RERE: variants seen among roughly 807,000 people sequenced by gnomAD.
The protein encoded by RERE is arginine-glutamic acid dipeptide repeats protein.
In RERE, 40 loss-of-function variants were observed where a neutral mutation model predicts 146.1. That is an observed-to-expected ratio of 0.27 (90% CI 0.21 to 0.36). RERE has a LOEUF of 0.36. RERE is among the 10% of genes least tolerant of loss of function. The pLI is 1.00. For missense variants in RERE, 1,933 were observed against 2,138.7 expected, an observed-to-expected ratio of 0.90 and a Z score of 1.90; for synonymous variants, 1,003 against 866.0, an observed-to-expected ratio of 1.16 and a Z score of -2.78.
chr1:8,615,523 C>G (rs1646842945), intron 3 of RERE, among the ~76,000 whole-genome samples: 1 of 152,080 alleles, frequency 6.6e-6, no homozygotes, highest in African/African-American at 2.4e-5. Flanking sequence ...TTAGACAGCA[C>G]ATAACATTTT....
intron 3 of RERE, among the ~76,000 whole-genome samples, chr1:8,619,232 T>C (rs114387287): frequency 0.015 from 2,314 of 152,282 alleles, 61 homozygotes; most frequent in African/African-American, 0.053. Flanking sequence ...CTCATCTATG[T>C]GGAGCCGTAA....
chr1:8,803,285 T>C (rs1253793130), intron 1 of RERE, among the ~76,000 whole-genome samples: 2 of 151,998 alleles, frequency 1.3e-5, no homozygotes, highest in African/African-American at 4.8e-5. Flanking sequence ...CTGGCCAACA[T>C]GGTGGAACCC....
At chr1:8,371,231 G>T (rs181775980) in intron 12 of RERE, among the ~76,000 whole-genome samples, 1 of 152,092 alleles carries the variant, frequency 6.6e-6, no homozygotes, top group Non-Finnish European at 1.5e-5. Flanking sequence ...TTCTTTTGGC[G>T]GTGGGGGGGC....
rs757555792 is a variant in RERE, at chr1:8,422,782, T to A, written c.1229A>T (p.Gln410Leu). Residue 410 changes from glutamine to leucine, a missense_variant, in exon 12 of 23, where the codon CAG (glutamine) becomes CTG (leucine). Physicochemically the swap from Gln to Leu is moderately radical, Grantham distance 113. Coordinates refer to ENST00000400908, the MANE Select transcript of RERE (RefSeq NM_001042681.2). ...AATTCTGAAGAAGTTCTTCCCGTAC[T>A]GCCTGAGTCCCTTAACGAAGCGTTT... is the stretch of plus-strand genomic sequence containing the variant. ...EVKRFVKGLR[Q>L]YGKNFFRIRK... 3 of 1,614,024 alleles carry A rather than the reference T, an allele frequency of 1.9e-6. No individual in the cohort carries two copies. The South Asian group carries it at 3.3e-5, about 18-fold the overall frequency.
At chr1:8,552,568 T>C (rs1328908588) in intron 6 of RERE, among the ~76,000 whole-genome samples, 2 of 152,204 alleles carry the variant, frequency 1.3e-5, no homozygotes, top group Non-Finnish European at 2.9e-5. Flanking sequence ...AAATTATTTC[T>C]GTGAATAAAC....
chr1:8,487,951 T>TA (rs1644925361), intron 10 of RERE, among the ~76,000 whole-genome samples: 1 of 151,998 alleles, frequency 6.6e-6, no homozygotes, highest in African/African-American at 2.4e-5. Context: ...TTGTAAGAAG[T>TA]AAAAGAAAGC....
intron 12 of RERE, among the ~76,000 whole-genome samples, chr1:8,381,933 T>C (rs145660437): frequency 1.1e-4 from 16 of 152,360 alleles, no homozygotes; most frequent in Non-Finnish European, 1.6e-4. Flanking sequence ...AATGACACTT[T>C]GGCACTAAAA....
intron 1 of RERE, among the ~76,000 whole-genome samples, chr1:8,708,040 AGG>A (rs767010817): frequency 6.6e-6 from 1 of 152,238 alleles, no homozygotes. Flanking sequence ...TAGTAAAAAC[AGG>A]GTTCAGTATT....
intron 6 of RERE, among the ~76,000 whole-genome samples, chr1:8,544,733 T>A (rs1054998013): frequency 2.0e-5 from 3 of 152,272 alleles, no homozygotes; most frequent in Non-Finnish European, 4.4e-5. Flanking sequence ...AAATCTACAT[T>A]GTACTGTATA....
chr1:8,737,789 C>T (rs1640231041), intron 1 of RERE, among the ~76,000 whole-genome samples: 1 of 152,126 alleles, frequency 6.6e-6, no homozygotes, highest in African/African-American at 2.4e-5. Context: ...GCACAGCACG[C>T]AGTACATTTC....
intron 1 of RERE, among the ~76,000 whole-genome samples, chr1:8,774,281 T>C (rs1324462071): frequency 4.6e-5 from 7 of 152,050 alleles, no homozygotes; most frequent in Non-Finnish European, 1.0e-4. Flanking sequence ...ATTTCACTTC[T>C]ACTTTCTCTG....
chr1:8,517,386 T>C (rs567184762), intron 7 of RERE, among the ~76,000 whole-genome samples: 52 of 152,218 alleles, frequency 3.4e-4, no homozygotes, highest in Non-Finnish European at 5.9e-4. Context: ...AAGTGACATA[T>C]TTATTTTTTC....
chr1:8,678,185 T>C (rs1191145393), intron 1 of RERE, among the ~76,000 whole-genome samples: 1 of 152,222 alleles, frequency 6.6e-6, no homozygotes, highest in Non-Finnish European at 1.5e-5. Flanking sequence ...TATTTGGTCA[T>C]GAATAAAATC....
intron 4 of RERE, among the ~76,000 whole-genome samples, chr1:8,593,102 T>C (rs1397124945): frequency 6.6e-6 from 1 of 152,232 alleles, no homozygotes; most frequent in Non-Finnish European, 1.5e-5. Context: ...CATGTCCAAC[T>C]GTGGCAGAGA....
At chr1:8,541,618 A>C (rs1645801904) in intron 6 of RERE, among the ~76,000 whole-genome samples, 1 of 152,216 alleles carries the variant, frequency 6.6e-6, no homozygotes, top group South Asian at 2.1e-4. Flanking sequence ...ATGGAGAAAA[A>C]TTAAAACCAT....
At position 8,359,820 on chromosome 1, in the gene RERE, T is replaced by TCTC. The variant is rs1324198951; in HGVS notation, c.3559_3561dup (p.Glu1187dup). 9 of 1,606,784 alleles carry TCTC rather than the reference T, an allele frequency of 5.6e-6. No individual in the cohort carries two copies. The highest frequency in any genetic ancestry group is 7.6e-6 in the Non-Finnish European group (9 of 1,179,478). ...CGCTCCCGCTCCCGCTCCTTCTCCT[T>TCTC]CTCCTTCTCCCGCTCTCGCTCCTCT... On this transcript the variant is annotated inframe_insertion, in exon 19 of 23. Coordinates refer to ENST00000400908, the MANE Select transcript of RERE (RefSeq NM_001042681.2).
chr1:8,495,347 C>G (rs1269461776), intron 9 of RERE, among the ~76,000 whole-genome samples, 185 bp from the exon 10 acceptor site: 2 of 150,896 alleles, frequency 1.3e-5, no homozygotes, highest in Non-Finnish European at 2.9e-5. Flanking sequence ...TGGAGTCTCA[C>G]TCTGTCATCC....
chr1:8,395,569 A>C (rs1421980862), intron 12 of RERE, among the ~76,000 whole-genome samples: 2 of 152,152 alleles, frequency 1.3e-5, no homozygotes, highest in Middle Eastern at 3.4e-3. Flanking sequence ...ACCTGGAGAC[A>C]TTTGAAGCTG....
chr1:8,732,946 C>T (rs982483586), intron 1 of RERE, among the ~76,000 whole-genome samples: 10 of 150,094 alleles, frequency 6.7e-5, no homozygotes, highest in Non-Finnish European at 1.2e-4. Context: ...CTCAGCCTCC[C>T]GAGTAGCTGG....
Sources: allele counts gnomAD v4.1 joint callset (sites outside exome capture counted in the v4.1 genomes callset), GRCh38; gene constraint gnomAD v4.1.1; transcripts MANE v1.5; gene names NCBI Gene and HGNC (gene_info 2026-07-23, HGNC 2026-07-21).